The following DPYD variants were observed in gnomAD, a reference collection of about 807,000 sequenced individuals.
DPYD encodes dihydropyrimidine dehydrogenase [NADP(+)].
Under a neutral mutation model 116.2 loss-of-function variants are expected in DPYD, and 109 were observed. The observed-to-expected ratio is 0.94, with a 90% CI of 0.80 to 1.10. The LOEUF (loss-of-function observed/expected upper bound fraction) is 1.10. Among genes scored for constraint, DPYD ranks in the 50% least tolerant of loss-of-function variants. The pLI, the probability that DPYD is intolerant of heterozygous loss-of-function variation, is 0.00. For synonymous variants in DPYD, 440 were observed against 432.0 expected (o/e 1.02, Z -0.23); for missense variants, 1,302 against 1,254.5 (o/e 1.04, Z -0.57).
At chr1:97,398,465 A>T (rs1673144564) in intron 14 of DPYD, among the ~76,000 whole-genome samples, 1 of 152,176 alleles carries the variant, frequency 6.6e-6, no homozygotes, top group Non-Finnish European at 1.5e-5. Context: ...TATACTCAGT[A>T]ATGGGATCAC....
intron 5 of DPYD, among the ~76,000 whole-genome samples, chr1:97,712,185 C>T (rs552177785): frequency 1.3e-5 from 2 of 152,182 alleles, no homozygotes; most frequent in South Asian, 4.1e-4. Flanking sequence ...ACTTTAGGAG[C>T]TCCCCTTACA....
At chr1:97,779,480 A>G (rs1666612434) in intron 3 of DPYD, among the ~76,000 whole-genome samples, 1 of 152,074 alleles carries the variant, frequency 6.6e-6, no homozygotes, top group African/African-American at 2.4e-5. Flanking sequence ...CTACTACTAC[A>G]AAATAAAGTA....
chr1:97,180,446 A>G (rs1451326956), intron 20 of DPYD, among the ~76,000 whole-genome samples: 1 of 152,144 alleles, frequency 6.6e-6, no homozygotes, highest in Non-Finnish European at 1.5e-5. Context: ...GAGGATTGGG[A>G]ACAAAGCTAA....
intron 14 of DPYD, among the ~76,000 whole-genome samples, chr1:97,444,685 G>A (rs1675978040): frequency 6.6e-6 from 1 of 152,016 alleles, no homozygotes; most frequent in South Asian, 2.1e-4. Context: ...TGATTGAACA[G>A]AATAGGGCCT....
chr1:97,873,210 T>A (rs1054880879), intron 2 of DPYD, among the ~76,000 whole-genome samples: 28 of 151,972 alleles, frequency 1.8e-4, no homozygotes, highest in Admixed American at 1.6e-3. Flanking sequence ...ACATGTTAGA[T>A]CTTCCATTAA....
chr1:97,795,083 G>A (rs140461308), intron 3 of DPYD, among the ~76,000 whole-genome samples: 1 of 152,118 alleles, frequency 6.6e-6, no homozygotes, highest in Non-Finnish European at 1.5e-5. Flanking sequence ...TAATAATAAT[G>A]TGAGAAAGCA....
At chr1:97,282,554 T>C (rs1245072527) in intron 18 of DPYD, among the ~76,000 whole-genome samples, 2 of 152,130 alleles carry the variant, frequency 1.3e-5, no homozygotes, top group African/African-American at 4.8e-5. Flanking sequence ...GTATAAAATT[T>C]TTAAAATAAA....
chr1:97,668,262 G>A (rs1659669998), intron 8 of DPYD, among the ~76,000 whole-genome samples: 1 of 152,088 alleles, frequency 6.6e-6, no homozygotes, highest in Non-Finnish European at 1.5e-5. Context: ...CCAACTTAAT[G>A]TATTAGCCAA....
At chr1:97,602,200 T>A (rs1439721620) in intron 8 of DPYD, among the ~76,000 whole-genome samples, 2 of 151,986 alleles carry the variant, frequency 1.3e-5, no homozygotes, top group Admixed American at 6.6e-5. Context: ...ATTTAATGTA[T>A]AAAACAGTAC....
At chr1:97,393,102 T>G (rs984998300) in intron 14 of DPYD, among the ~76,000 whole-genome samples, 1 of 152,042 alleles carries the variant, frequency 6.6e-6, no homozygotes, top group African/African-American at 2.4e-5. Context: ...CAAAAACTCT[T>G]CCTTTGCATT....
intron 13 of DPYD, among the ~76,000 whole-genome samples, chr1:97,471,128 C>T (rs1013539404): frequency 2.0e-5 from 3 of 152,078 alleles, no homozygotes; most frequent in African/African-American, 4.8e-5. Flanking sequence ...TTTCTGAAAA[C>T]GTAATGTAAG....
rs1380641235 is a variant in DPYD, at chr1:97,549,627, G to C, written c.1457C>G (p.Ala486Gly). The change falls in exon 12 of 23, where the codon GCT becomes GGT. Residue 486 changes from alanine to glycine, a missense_variant. Transcript: ENST00000370192. ...VFAGGDVVGL[A>G]NTTVESVNDG... Reference sequence around the variant, plus strand: ...ATTCACCGATTCCACTGTAGTGTTAGCCAAACCAACGACATCACCACCTGC... The same window carrying C: ...ATTCACCGATTCCACTGTAGTGTTACCCAAACCAACGACATCACCACCTGC... 6.2e-7 allele frequency: 1 copy of C among 1,613,832 alleles called. No homozygotes were observed. The highest frequency in any genetic ancestry group is 1.7e-5 in the Admixed American group (1 of 59,972).
chr1:97,224,509 G>A (rs1334520297), intron 19 of DPYD, among the ~76,000 whole-genome samples: 1 of 151,526 alleles, frequency 6.6e-6, no homozygotes, highest in East Asian at 1.9e-4. Context: ...TTTTTTTCTG[G>A]TGGTAAGAGT....
chr1:97,625,687 T>C (rs1656887159), intron 8 of DPYD, among the ~76,000 whole-genome samples: 1 of 151,922 alleles, frequency 6.6e-6, no homozygotes, highest in Admixed American at 6.6e-5. Context: ...AGGGAGGAGA[T>C]GGTCATCTAC....
chr1:97,490,164 C>G (rs934231612), intron 13 of DPYD, among the ~76,000 whole-genome samples: 3 of 151,842 alleles, frequency 2.0e-5, no homozygotes, highest in Admixed American at 2.0e-4. Flanking sequence ...AATAAATGCA[C>G]CATAAGCTGT....
chr1:97,892,050 A>G (rs1011964989), intron 1 of DPYD, among the ~76,000 whole-genome samples: 1 of 151,796 alleles, frequency 6.6e-6, no homozygotes, highest in Non-Finnish European at 1.5e-5. Flanking sequence ...TGAGTTCTCT[A>G]TAAGTTATCT....
chr1:97,699,817 C>T (rs1291615686), intron 5 of DPYD, among the ~76,000 whole-genome samples: 1 of 151,932 alleles, frequency 6.6e-6, no homozygotes, highest in Non-Finnish European at 1.5e-5. Context: ...TTAAGTGCCT[C>T]TCCTCTAAGC....
chr1:97,160,734 T>C (rs1655832248), intron 20 of DPYD, among the ~76,000 whole-genome samples: 1 of 152,122 alleles, frequency 6.6e-6, no homozygotes, highest in Admixed American at 6.6e-5. Context: ...ACAACCTAAA[T>C]TGTTTACTTC....
intron 20 of DPYD, among the ~76,000 whole-genome samples, chr1:97,108,880 T>A (rs1474934741): frequency 2.0e-5 from 3 of 151,886 alleles, no homozygotes; most frequent in Non-Finnish European, 4.4e-5. Context: ...ACTAAAGAGG[T>A]AAGAATAAAA....
Sources: gnomAD v4.1 joint callset for allele counts (sites outside exome capture counted in the v4.1 genomes callset) on GRCh38, gnomAD v4.1.1 for gene constraint, MANE v1.5 for transcripts, NCBI Gene and HGNC (gene_info 2026-07-23, HGNC 2026-07-21) for gene names.